The following CDH13 variants were observed in gnomAD, a reference collection of about 807,000 sequenced individuals.
CDH13 encodes the protein cadherin-13.
A neutral mutation model predicts 63.8 loss-of-function variants in CDH13; 24 were observed. That is an observed-to-expected ratio of 0.38 (90% CI 0.27 to 0.53). The LOEUF (loss-of-function observed/expected upper bound fraction) is 0.53. Ranked by LOEUF, CDH13 falls within the 20% of genes least tolerant of loss-of-function variation. The probability of loss-of-function intolerance (pLI) is 0.85; values close to 1 mark genes in which losing one functional copy is unlikely to be tolerated. For missense variants in CDH13, 1,049 were observed against 903.1 expected (o/e 1.16, Z -2.07); for synonymous variants, 503 against 355.3 (o/e 1.42, Z -4.67).
chr16:83,123,693 A>G (rs1308853751), intron 3 of CDH13, among the ~76,000 whole-genome samples: 1 of 152,166 alleles, frequency 6.6e-6, no homozygotes, highest in East Asian at 1.9e-4. Flanking sequence ...TTTTGATATA[A>G]CGATTCCTTT....
intron 5 of CDH13, among the ~76,000 whole-genome samples, chr16:83,227,326 AAGGG>A: frequency 6.6e-6 from 1 of 152,248 alleles, no homozygotes; most frequent in East Asian, 1.9e-4. Flanking sequence ...TGGTCCTGAT[AAGGG>A]AGGAGGCAGC....
At chr16:83,663,819 C>A (rs1913672958) in intron 8 of CDH13, among the ~76,000 whole-genome samples, 1 of 152,090 alleles carries the variant, frequency 6.6e-6, no homozygotes, top group Non-Finnish European at 1.5e-5. Flanking sequence ...TGACACCACT[C>A]CGCATCTTCA....
chr16:82,857,224 C>A (rs571578507), intron 1 of CDH13, among the ~76,000 whole-genome samples: 28 of 152,264 alleles, frequency 1.8e-4, no homozygotes, highest in Admixed American at 3.9e-4. Context: ...ATTTCGAGTT[C>A]GTCTTCTATA....
intron 2 of CDH13, among the ~76,000 whole-genome samples, chr16:83,016,897 A>C (rs1457880777): frequency 2.0e-5 from 3 of 152,204 alleles, no homozygotes; most frequent in Non-Finnish European, 4.4e-5. Flanking sequence ...GACATTCTGA[A>C]GTCCTTGGAT....
intron 6 of CDH13, among the ~76,000 whole-genome samples, chr16:83,406,036 C>T (rs561521693): frequency 6.6e-6 from 1 of 152,314 alleles, no homozygotes; most frequent in African/African-American, 2.4e-5. Flanking sequence ...CTTCTCCCCG[C>T]TTTTCCAGGA....
At chr16:83,061,930 A>G (rs2031590655) in intron 3 of CDH13, among the ~76,000 whole-genome samples, 1 of 152,198 alleles carries the variant, frequency 6.6e-6, no homozygotes, top group Non-Finnish European at 1.5e-5. Context: ...GAGGCCCTCT[A>G]GAGAGGCTGT....
intron 7 of CDH13, among the ~76,000 whole-genome samples, chr16:83,524,772 C>T (rs957108315): frequency 1.3e-5 from 2 of 152,152 alleles, no homozygotes; most frequent in Middle Eastern, 3.4e-3. Context: ...TCTTAACACC[C>T]CCTCTTACTA....
chr16:83,454,619 A>T, intron 6 of CDH13, among the ~76,000 whole-genome samples: 1 of 152,268 alleles, frequency 6.6e-6, no homozygotes, highest in Middle Eastern at 3.4e-3. Context: ...CCATTTTCCT[A>T]TGGTTAAACA....
At chr16:83,239,225 A>G (rs1904294077) in intron 5 of CDH13, among the ~76,000 whole-genome samples, 2 of 152,212 alleles carry the variant, frequency 1.3e-5, no homozygotes, top group South Asian at 4.1e-4. Flanking sequence ...ATAAGTTATC[A>G]CTGCAGAGGG....
intron 7 of CDH13, among the ~76,000 whole-genome samples, chr16:83,524,936 G>C (rs1188721135): frequency 6.6e-6 from 1 of 152,174 alleles, no homozygotes; most frequent in Non-Finnish European, 1.5e-5. Flanking sequence ...CGCATGAGAT[G>C]GGAAGGTCAG....
intron 4 of CDH13, among the ~76,000 whole-genome samples, chr16:83,204,147 C>G (rs114853231): frequency 2.0e-5 from 3 of 152,190 alleles, no homozygotes; most frequent in African/African-American, 7.2e-5. Context: ...CCATCAGTGT[C>G]GGGCTCAATG....
chr16:82,895,837 T>C (rs1441636602), intron 2 of CDH13, among the ~76,000 whole-genome samples: 2 of 152,140 alleles, frequency 1.3e-5, no homozygotes, highest in Non-Finnish European at 2.9e-5. Flanking sequence ...GTCTCTCCAG[T>C]ATCAACTTGC....
chr16:83,279,479 T>G (rs886292166), intron 5 of CDH13, among the ~76,000 whole-genome samples: 3 of 152,172 alleles, frequency 2.0e-5, no homozygotes, highest in African/African-American at 7.2e-5. Context: ...AACATTAAAA[T>G]CATTCAAACG....
chr16:83,128,337 A>G (rs572167688), intron 4 of CDH13, among the ~76,000 whole-genome samples: 101 of 152,308 alleles, frequency 6.6e-4, no homozygotes, highest in Non-Finnish European at 8.8e-4. Flanking sequence ...CTAGAAATGC[A>G]TATTTTCATG....
At chr16:83,038,709 A>G (rs894554381) in intron 3 of CDH13, among the ~76,000 whole-genome samples, 4 of 152,226 alleles carry the variant, frequency 2.6e-5, no homozygotes, top group African/African-American at 4.8e-5. Flanking sequence ...AAAAGTTTAC[A>G]CAGAAAAGCT....
At chr16:83,605,521 C>T (rs1908246690) in intron 8 of CDH13, among the ~76,000 whole-genome samples, 1 of 152,180 alleles carries the variant, frequency 6.6e-6, no homozygotes, top group Non-Finnish European at 1.5e-5. Context: ...ATCCCAGTCT[C>T]TTCACCTGTT....
At chr16:83,152,957 T>C (rs1451854845) in intron 4 of CDH13, among the ~76,000 whole-genome samples, 2 of 152,086 alleles carry the variant, frequency 1.3e-5, no homozygotes, top group East Asian at 3.9e-4. Context: ...ATGATGCATC[T>C]ACAAGGCACG....
chr16:82,892,787 C>T (rs183694481), intron 2 of CDH13, among the ~76,000 whole-genome samples: 24 of 152,112 alleles, frequency 1.6e-4, no homozygotes, highest in African/African-American at 5.8e-4. Context: ...TTACTAAAAG[C>T]ATTCAGGCAG....
At position 83,094,045 on chromosome 16, in the gene CDH13, A is replaced by C. The variant is rs148736588; in HGVS notation, c.367-31340A>C. Among the ~76,000 whole-genome samples, 608 of 152,334 alleles carry C rather than the reference A, an allele frequency of 4.0e-3. 1 individual carries two copies. Among genetic ancestry groups the C allele is most frequent in the Middle Eastern group, 0.01 (3 of 294 alleles). On this transcript the variant is annotated intron_variant, in intron 3 of 13. Transcript: ENST00000567109. The stretch of plus-strand genomic sequence containing the variant: ...AAAATTTGGGTAAAGAGGTAGACCC[A>C]TTTTTAAGAGCAGGGTGACATGAAA...
Sources: gnomAD v4.1 joint callset for allele counts (sites outside exome capture counted in the v4.1 genomes callset) on GRCh38, gnomAD v4.1.1 for gene constraint, MANE v1.5 for transcripts, NCBI Gene and HGNC (gene_info 2026-07-23, HGNC 2026-07-21) for gene names.